CRACDL: variants seen among roughly 807,000 people sequenced by gnomAD.
The protein encoded by CRACDL is CRACD-like protein.
Under a neutral mutation model 70.6 loss-of-function variants are expected in CRACDL, and 26 were observed. The ratio of observed to expected loss-of-function variants is 0.37; its 90% CI spans 0.27 to 0.51. The LOEUF is 0.51. Ranked by LOEUF, CRACDL falls within the 20% of genes least tolerant of loss-of-function variation. CRACDL has a pLI of 0.94. For synonymous variants in CRACDL, 618 were observed against 615.2 expected (o/e 1.00, Z -0.07); for missense variants, 1,283 against 1,376.9 (o/e 0.93, Z 1.08).
intron 1 of CRACDL, among the ~76,000 whole-genome samples, chr2:98,880,411 C>CTGAATAGAA (rs1558620201): frequency 1.3e-5 from 2 of 152,174 alleles, no homozygotes; most frequent in East Asian, 3.8e-4. Flanking sequence ...TAAGCAGTAG[C>CTGAATAGAA]TGAATAGAAT....
chr2:98,860,320 AG>A (rs1706888598), intron 1 of CRACDL, among the ~76,000 whole-genome samples: 1 of 152,228 alleles, frequency 6.6e-6, no homozygotes, highest in South Asian at 2.1e-4. Context: ...TGGAAATGCA[AG>A]GGACCTTGCA....
At chr2:98,798,485 C>G (rs1258687284) in intron 7 of CRACDL, among the ~76,000 whole-genome samples, 7 of 136,770 alleles carry the variant, frequency 5.1e-5, no homozygotes, top group Non-Finnish European at 9.5e-5. Flanking sequence ...GAGTGACACT[C>G]TGTCTCAAAA....
intron 1 of CRACDL, among the ~76,000 whole-genome samples, chr2:98,911,492 C>G (rs1299213431): frequency 6.6e-6 from 1 of 152,232 alleles, no homozygotes; most frequent in African/African-American, 2.4e-5. Context: ...TGAGAATTTC[C>G]CACTTCGTGT....
At chr2:98,873,208 G>A (rs1707396629) in intron 1 of CRACDL, among the ~76,000 whole-genome samples, 2 of 152,190 alleles carry the variant, frequency 1.3e-5, no homozygotes, top group Admixed American at 1.3e-4. Context: ...TCCACTGCTG[G>A]GAACAAGATC....
chr2:98,905,726 T>C (rs1708395019), intron 1 of CRACDL, among the ~76,000 whole-genome samples: 1 of 151,204 alleles, frequency 6.6e-6, no homozygotes, highest in Non-Finnish European at 1.5e-5. Flanking sequence ...CAAGTGATCC[T>C]CCTGCCTCAT....
chr2:98,852,119 A>G (rs1013517239), intron 1 of CRACDL, among the ~76,000 whole-genome samples: 2 of 152,186 alleles, frequency 1.3e-5, no homozygotes, highest in Non-Finnish European at 2.9e-5. Flanking sequence ...CTGCCAGAGC[A>G]GATGGAAACT....
intron 1 of CRACDL, among the ~76,000 whole-genome samples, chr2:98,891,220 T>TA (rs1472613095): frequency 2.7e-4 from 40 of 150,928 alleles, no homozygotes; most frequent in Non-Finnish European, 5.2e-4. Flanking sequence ...CTACTAAAAA[T>TA]AAAAAAATTA....
intron 1 of CRACDL, among the ~76,000 whole-genome samples, chr2:98,884,044 G>C (rs986663337): frequency 6.6e-6 from 1 of 152,186 alleles, no homozygotes; most frequent in African/African-American, 2.4e-5. Context: ...GCGTGTGTTG[G>C]GGGGATGGGG....
chr2:98,853,015 GGGGAAGGGAAGGGAAA>G (rs1456522556), intron 1 of CRACDL, among the ~76,000 whole-genome samples: 11 of 128,862 alleles, frequency 8.5e-5, no homozygotes, highest in East Asian at 2.6e-4. Context: ...GGGGAGGGGA[GGGGAAGGGAAGGGAAA>G]GGGAAGGGAA....
intron 1 of CRACDL, among the ~76,000 whole-genome samples, chr2:98,922,514 A>G (rs1708828404): frequency 6.6e-6 from 1 of 152,160 alleles, no homozygotes; most frequent in Non-Finnish European, 1.5e-5. Flanking sequence ...TCAAACTACA[A>G]TGGGCTCTTG....
At chr2:98,817,228 C>T (rs1292215598) in intron 7 of CRACDL, among the ~76,000 whole-genome samples, 1 of 152,066 alleles carries the variant, frequency 6.6e-6, no homozygotes. Flanking sequence ...GGCTATTCAT[C>T]AATGTTTATA....
At chr2:98,865,150 T>C (rs1231176342) in intron 1 of CRACDL, among the ~76,000 whole-genome samples, 1 of 152,096 alleles carries the variant, frequency 6.6e-6, no homozygotes, top group Non-Finnish European at 1.5e-5. Flanking sequence ...GCCTCAGCCC[T>C]GCTCTCCCTC....
At chr2:98,807,591 T>C (rs1704366066) in intron 7 of CRACDL, among the ~76,000 whole-genome samples, 1 of 152,244 alleles carries the variant, frequency 6.6e-6, no homozygotes, top group Admixed American at 6.5e-5. Context: ...CTATGTGGCC[T>C]CCACCTCTCC....
intron 1 of CRACDL, among the ~76,000 whole-genome samples, chr2:98,861,989 G>A (rs1706954771): frequency 6.6e-6 from 1 of 152,172 alleles, no homozygotes; most frequent in Non-Finnish European, 1.5e-5. Context: ...CATTGTTGTT[G>A]CACCTCTCCC....
intron 1 of CRACDL, chr2:98,897,413 G>A: frequency 7.7e-7 from 1 of 1,303,460 alleles, no homozygotes; most frequent in Non-Finnish European, 1.0e-6. Flanking sequence ...AATCATCTCA[G>A]TCACAGGTGT....
intron 1 of CRACDL, among the ~76,000 whole-genome samples, chr2:98,880,568 G>A (rs1181699460): frequency 1.3e-5 from 2 of 152,208 alleles, no homozygotes; most frequent in African/African-American, 2.4e-5. Context: ...ACAGACGATA[G>A]GATGGAGTGT....
rs114160685 is a variant in CRACDL, at chr2:98,804,962, G to T, written c.2417-7425C>A. Among the ~76,000 whole-genome samples, 742 of 152,274 alleles carry T rather than the reference G, an allele frequency of 4.9e-3. 7 individuals are homozygous for T. Among genetic ancestry groups the T allele is most frequent in the African/African-American group, 0.017 (717 of 41,542 alleles). On this transcript the variant is annotated intron_variant, in intron 7 of 9. Transcript: ENST00000397899. ...AGACAATGAGAACGGACTGGACCTGGTGGGTGCCCACTAGGTGCCAGGCCC... is the reference window on the plus strand; with the variant it reads ...AGACAATGAGAACGGACTGGACCTGTTGGGTGCCCACTAGGTGCCAGGCCC...
intron 1 of CRACDL, among the ~76,000 whole-genome samples, chr2:98,905,128 T>C (rs1266488189): frequency 6.6e-6 from 1 of 151,124 alleles, no homozygotes; most frequent in Admixed American, 6.6e-5. Flanking sequence ...CGGGTGCCTG[T>C]AGTCCCAGCT....
chr2:98,881,575 G>A (rs1328224738), intron 1 of CRACDL, among the ~76,000 whole-genome samples: 1 of 152,184 alleles, frequency 6.6e-6, no homozygotes, highest in South Asian at 2.1e-4. Context: ...AGGCAGAGTA[G>A]AGAACCACGG....
Sources: allele counts gnomAD v4.1 joint callset (sites outside exome capture counted in the v4.1 genomes callset), GRCh38; gene constraint gnomAD v4.1.1; transcripts MANE v1.5; gene names NCBI Gene and HGNC (gene_info 2026-07-23, HGNC 2026-07-21).